OVCH1: variants seen among roughly 807,000 people sequenced by gnomAD.
The protein encoded by OVCH1 is ovochymase 1.
A neutral mutation model predicts 138.4 loss-of-function variants in OVCH1; 139 were observed. That is an observed-to-expected ratio of 1.00 (90% CI 0.87 to 1.16). OVCH1 has a LOEUF of 1.16. OVCH1 is among the 50% of genes most tolerant of loss of function. The pLI is 0.00. For synonymous variants in OVCH1, 453 were observed against 467.8 expected, an observed-to-expected ratio of 0.97 and a Z score of 0.41; for missense variants, 1,367 against 1,357.9, an observed-to-expected ratio of 1.01 and a Z score of -0.11.
At chr12:29,429,623 A>G (rs1304042393) in intron 27 of OVCH1, among the ~76,000 whole-genome samples, 2 of 152,216 alleles carry the variant, frequency 1.3e-5, no homozygotes, top group Non-Finnish European at 2.9e-5. Flanking sequence ...CTTCTGTTAT[A>G]AAGTCTTTAA....
intron 13 of OVCH1, 53 bp downstream of exon 13, chr12:29,476,153 C>T: frequency 6.9e-7 from 1 of 1,439,456 alleles, no homozygotes; most frequent in Non-Finnish European, 9.8e-7. Context: ...CCCATGTTGC[C>T]ACTACTCTGA....
At chr12:29,438,965 G>A (rs1490869570) in intron 26 of OVCH1, among the ~76,000 whole-genome samples, 5 of 152,104 alleles carry the variant, frequency 3.3e-5, no homozygotes, top group Non-Finnish European at 4.4e-5. Context: ...TGGTACAAGG[G>A]TTATTTTCAG....
intron 19 of OVCH1, among the ~76,000 whole-genome samples, chr12:29,460,564 C>A (rs1942097696): frequency 6.6e-6 from 1 of 152,124 alleles, no homozygotes; most frequent in Admixed American, 6.6e-5. Context: ...GGATTAACAG[C>A]CATTTCCCAC....
intron 8 of OVCH1, among the ~76,000 whole-genome samples, chr12:29,485,317 T>A (rs1348816771): frequency 1.1e-5 from 1 of 89,840 alleles, no homozygotes; most frequent in African/African-American, 4.5e-5. Context: ...ACCCAGTCTT[T>A]AAAAAAAAAA....
intron 1 of OVCH1, 109 bp downstream of exon 1, chr12:29,497,514 A>G: frequency 1.6e-6 from 2 of 1,250,778 alleles, no homozygotes; most frequent in South Asian, 1.5e-5. Context: ...CAAATGCCTC[A>G]GGTGTGGCTA....
chr12:29,406,961 G>C, the OVCH1 span, among the ~76,000 whole-genome samples: 1 of 146,834 alleles, frequency 6.8e-6, no homozygotes, highest in Non-Finnish European at 1.5e-5. Context: ...ATCCTCTCCA[G>C]CACCTGTTGT....
chr12:29,455,264 G>C, exon 20 of OVCH1: 6 of 1,610,466 alleles, frequency 3.7e-6, no homozygotes, highest in Non-Finnish European at 4.2e-6. Flanking sequence ...ATTTTTGATT[G>C]GATCCAGTCC....
intron 22 of OVCH1, among the ~76,000 whole-genome samples, chr12:29,445,876 A>T (rs1941600214): frequency 6.6e-6 from 1 of 152,136 alleles, no homozygotes; most frequent in African/African-American, 2.4e-5. Flanking sequence ...TAATTCTAAA[A>T]TGATTCAGAG....
At chr12:29,446,381 A>G (rs1037790229) in intron 22 of OVCH1, among the ~76,000 whole-genome samples, 1 of 152,128 alleles carries the variant, frequency 6.6e-6, no homozygotes, top group African/African-American at 2.4e-5. Context: ...TATTTGTAGC[A>G]AATAGAAGTG....
downstream of OVCH1, among the ~76,000 whole-genome samples, chr12:29,407,899 G>T (rs1469708048): frequency 2.0e-5 from 3 of 150,680 alleles, no homozygotes; most frequent in Non-Finnish European, 4.4e-5. Context: ...ACCTTGGGCA[G>T]TGTGGCCATT....
intron 16 of OVCH1, among the ~76,000 whole-genome samples, chr12:29,469,677 C>T (rs752085504): frequency 6.6e-6 from 1 of 151,134 alleles, no homozygotes; most frequent in South Asian, 2.1e-4. Context: ...TTCAAGAGTT[C>T]AAGACCAGTC....
chr12:29,419,280 T>C (rs1202678919), intron 3 of OVCH1, among the ~76,000 whole-genome samples: 1 of 150,520 alleles, frequency 6.6e-6, no homozygotes, highest in Non-Finnish European at 1.5e-5. Context: ...TCCATAATAC[T>C]AAACAAAGTA....
intron 22 of OVCH1, among the ~76,000 whole-genome samples, chr12:29,447,205 C>T (rs537680692): frequency 6.6e-6 from 1 of 151,982 alleles, no homozygotes; most frequent in South Asian, 2.1e-4. Context: ...TAGCACATGC[C>T]AGGAATTTGG....
At chr12:29,425,231 T>A (rs1941162621), downstream of OVCH1, among the ~76,000 whole-genome samples, 1 of 152,218 alleles carries the variant, frequency 6.6e-6, no homozygotes, top group Non-Finnish European at 1.5e-5. Flanking sequence ...GATTCTGTCT[T>A]TGGTTCCACC....
At chr12:29,411,279 A>T (rs1171513740), downstream of OVCH1, among the ~76,000 whole-genome samples, 16 of 145,454 alleles carry the variant, frequency 1.1e-4, no homozygotes, top group Admixed American at 1.2e-3. Context: ...TAGTTTGAGC[A>T]TCTGAAGCCT....
intron 8 of OVCH1, 82 bp downstream of exon 8, chr12:29,486,168 A>C: frequency 7.8e-7 from 1 of 1,277,526 alleles, no homozygotes; most frequent in Non-Finnish European, 1.1e-6. Context: ...TCAGATTGTG[A>C]ATATGGTACA....
intron 27 of OVCH1, among the ~76,000 whole-genome samples, chr12:29,433,149 ATTTTT>A (rs1035157280): frequency 6.6e-6 from 1 of 151,970 alleles, no homozygotes; most frequent in Non-Finnish European, 1.5e-5. Flanking sequence ...TGCACACTGT[ATTTTT>A]TTCTTTATAA....
At chr12:29,461,693 A>G (rs932178568) in intron 19 of OVCH1, 161 bp downstream of exon 19, 1 of 928,550 alleles carries the variant, frequency 1.1e-6, no homozygotes, top group Non-Finnish European at 1.7e-6. Flanking sequence ...ATTCGGATTA[A>G]TTAACTTATT....
chr12:29,451,466 T>C lies in OVCH1; in HGVS notation c.2634A>G (p.Arg878=), dbSNP rs774567495. Residue 878 remains arginine, a synonymous_variant, in exon 22 of 28, where the codon AGA becomes AGG. Coordinates refer to ENST00000318184, the Ensembl canonical transcript of OVCH1. Reference sequence around the variant, plus strand: ...ATTTTGCCATACTGCTTGCTGAAACTCTGAGCACCCAAGAACATTCCAGTC... The same window carrying C: ...ATTTTGCCATACTGCTTGCTGAAACCCTGAGCACCCAAGAACATTCCAGTC... 18 of 1,613,240 alleles carry C rather than the reference T, an allele frequency of 1.1e-5. No homozygotes were observed. The South Asian group carries it at 2.0e-4, about 18-fold the overall frequency.
Sources: allele counts gnomAD v4.1 joint callset (sites outside exome capture counted in the v4.1 genomes callset), GRCh38; gene constraint gnomAD v4.1.1; transcripts MANE v1.5; gene names NCBI Gene and HGNC (gene_info 2026-07-23, HGNC 2026-07-21).